Variants in ROBO2 observed in about 807,000 individuals in gnomAD.
ROBO2 encodes the protein roundabout guidance receptor 2.
A neutral mutation model predicts 160.8 loss-of-function variants in ROBO2; 53 were observed. That is an observed-to-expected ratio of 0.33 (90% CI 0.26 to 0.41). ROBO2 has a LOEUF of 0.41. Among genes scored for constraint, ROBO2 ranks in the 10% least tolerant of loss-of-function variants. ROBO2 has a pLI of 1.00. For synonymous variants in ROBO2, 664 were observed against 611.7 expected (o/e 1.09, Z -1.26); for missense variants, 1,577 against 1,722.4 (o/e 0.92, Z 1.49).
intron 2 of ROBO2, among the ~76,000 whole-genome samples, chr3:77,284,416 C>T (rs954164591): frequency 3.3e-5 from 5 of 152,022 alleles, no homozygotes; most frequent in Admixed American, 1.3e-4. Context: ...GGTACCTAGC[C>T]GTGATGATTA....
intron 2 of ROBO2, among the ~76,000 whole-genome samples, chr3:76,789,715 A>G (rs748414914): frequency 6.6e-6 from 1 of 151,682 alleles, no homozygotes; most frequent in Non-Finnish European, 1.5e-5. Flanking sequence ...AAAGAGCATA[A>G]CGCAAATTGA....
At chr3:76,298,019 G>A (rs573632166) in intron 2 of ROBO2, among the ~76,000 whole-genome samples, 5 of 152,248 alleles carry the variant, frequency 3.3e-5, no homozygotes, top group African/African-American at 1.2e-4. Flanking sequence ...ATCGGGAGCT[G>A]GACTTAGAGA....
At position 76,485,260 on chromosome 3, in the gene ROBO2, A is replaced by T. The variant is rs148484603; in HGVS notation, c.109+547658A>T. ...GCTCTGTCTTGGGGTGATGGGAGAC[A>T]GTGACAGATCATCAGGCACTAGATT... On this transcript the variant is annotated intron_variant, in intron 2 of 26. Coordinates refer to the ROBO2 transcript ENST00000487694. 1.2e-4 allele frequency among the ~76,000 whole-genome samples: 19 copies of T among 152,090 alleles called. No homozygotes were observed. The East Asian group carries it at 3.7e-3, about 29-fold the overall frequency.
At chr3:76,537,677 G>C (rs1185190088) in intron 2 of ROBO2, among the ~76,000 whole-genome samples, 1 of 152,112 alleles carries the variant, frequency 6.6e-6, no homozygotes, top group Non-Finnish European at 1.5e-5. Flanking sequence ...TCAGCACCAA[G>C]TATCACTCAT....
chr3:76,992,658 T>C (rs571924523), intron 2 of ROBO2, among the ~76,000 whole-genome samples: 165 of 152,042 alleles, frequency 1.1e-3, no homozygotes, highest in African/African-American at 3.9e-3. Flanking sequence ...TTTTTCTATA[T>C]GAAGGGCCTG....
At chr3:77,600,902 A>G (rs1391214511) in intron 19 of ROBO2, among the ~76,000 whole-genome samples, 2 of 152,176 alleles carry the variant, frequency 1.3e-5, no homozygotes, top group African/African-American at 4.8e-5. Context: ...AACCTGGTGA[A>G]ATATGATAAG....
intron 2 of ROBO2, among the ~76,000 whole-genome samples, chr3:76,214,316 T>C (rs558884544): frequency 6.6e-6 from 1 of 152,100 alleles, no homozygotes; most frequent in Admixed American, 6.6e-5. Context: ...TAAAACTCGG[T>C]CCCTCAGTGG....
At chr3:76,198,289 G>A (rs2107231081) in intron 2 of ROBO2, among the ~76,000 whole-genome samples, 1 of 151,786 alleles carries the variant, frequency 6.6e-6, no homozygotes, top group South Asian at 2.1e-4. Flanking sequence ...GGGGAGATCA[G>A]ACATACCTCA....
intron 2 of ROBO2, among the ~76,000 whole-genome samples, chr3:76,425,329 C>G (rs543512894): frequency 3.9e-5 from 6 of 152,036 alleles, no homozygotes; most frequent in Admixed American, 3.9e-4. Context: ...CATCGTGTAT[C>G]TGAAATTGAA....
chr3:76,709,296 A>G (rs962463082), intron 2 of ROBO2, among the ~76,000 whole-genome samples: 2 of 152,204 alleles, frequency 1.3e-5, no homozygotes, highest in Non-Finnish European at 2.9e-5. Context: ...CAGCAGCTCA[A>G]CAATGTCAGA....
intron 2 of ROBO2, among the ~76,000 whole-genome samples, chr3:76,751,898 T>C (rs1397055425): frequency 1.3e-5 from 2 of 152,030 alleles, no homozygotes; most frequent in Non-Finnish European, 2.9e-5. Context: ...TCCTCAAGGA[T>C]CTAGAACTAG....
At position 76,764,454 on chromosome 3, in the gene ROBO2, T is replaced by C. The variant is rs368789895; in HGVS notation, c.110-333560T>C. On this transcript the variant is annotated intron_variant, in intron 2 of 26. Coordinates refer to the ROBO2 transcript ENST00000487694. ...TTGCACAGATTTTTAATAATACTAA[T>C]GTTTACTTTCCAATTGTTTCATGAG... Among the ~76,000 whole-genome samples, 9 of 151,854 alleles carry C rather than the reference T, an allele frequency of 5.9e-5. No individual in the cohort carries two copies. In the East Asian group the frequency reaches 1.8e-3, roughly 30 times the overall value.
intron 2 of ROBO2, among the ~76,000 whole-genome samples, chr3:76,379,186 A>G (rs955999253): frequency 6.6e-6 from 1 of 150,964 alleles, no homozygotes; most frequent in African/African-American, 2.5e-5. Context: ...TTGGAATATT[A>G]AAAGAAAAGA....
intron 2 of ROBO2, among the ~76,000 whole-genome samples, chr3:76,675,785 G>A (rs1161371755): frequency 6.6e-6 from 1 of 152,072 alleles, no homozygotes; most frequent in Non-Finnish European, 1.5e-5. Flanking sequence ...ACGTTAAGAG[G>A]ATTTTTTTCT....
At chr3:76,286,123 G>A (rs1157322490) in intron 2 of ROBO2, among the ~76,000 whole-genome samples, 4 of 152,136 alleles carry the variant, frequency 2.6e-5, no homozygotes, top group Admixed American at 6.6e-5. Context: ...AAAGATATGT[G>A]AATTAATGAA....
At position 76,422,156 on chromosome 3, in the gene ROBO2, T is replaced by A. The variant is rs73840983; in HGVS notation, c.109+484554T>A. 4.0e-3 allele frequency among the ~76,000 whole-genome samples: 604 copies of A among 152,310 alleles called. 7 individuals carry two copies. Among genetic ancestry groups the A allele is most frequent in the African/African-American group, 0.014 (568 of 41,566 alleles). On this transcript the variant is annotated intron_variant, in intron 2 of 26. Coordinates refer to the ROBO2 transcript ENST00000487694. ...TGCCTGGTGACATTATAACCTAATA[T>A]GTATAATAATGGGATAGAAATGAAA... is the stretch of plus-strand genomic sequence containing the variant.
At chr3:77,307,689 C>T (rs1172103454) in intron 2 of ROBO2, among the ~76,000 whole-genome samples, 1 of 152,168 alleles carries the variant, frequency 6.6e-6, no homozygotes, top group African/African-American at 2.4e-5. Context: ...TCAATACCAG[C>T]CTGGCCAACA....
intron 2 of ROBO2, among the ~76,000 whole-genome samples, chr3:75,970,837 T>C (rs1271458641): frequency 6.6e-6 from 1 of 151,316 alleles, no homozygotes; most frequent in East Asian, 2.0e-4. Flanking sequence ...GCCTGTCTTA[T>C]ATCTAGTTGC....
chr3:76,590,282 G>C (rs192853481), intron 2 of ROBO2, among the ~76,000 whole-genome samples: 17 of 152,234 alleles, frequency 1.1e-4, no homozygotes, highest in East Asian at 9.7e-4. Context: ...CAACCATACT[G>C]ATGCAAAATA....
Sources: gnomAD v4.1 joint callset for allele counts (sites outside exome capture counted in the v4.1 genomes callset) on GRCh38, gnomAD v4.1.1 for gene constraint, MANE v1.5 for transcripts, NCBI Gene and HGNC (gene_info 2026-07-23, HGNC 2026-07-21) for gene names.